GRIN2A: variants seen among roughly 807,000 people sequenced by gnomAD.
The protein encoded by GRIN2A is glutamate receptor ionotropic, NMDA 2A.
GRIN2A carries 22 observed loss-of-function variants against 113.4 expected under a neutral mutation model. The ratio of observed to expected loss-of-function variants is 0.19; its 90% CI spans 0.14 to 0.28. The LOEUF (loss-of-function observed/expected upper bound fraction) is 0.28, where lower values mean the gene tolerates loss of function less well. GRIN2A is among the 10% of genes least tolerant of loss of function. The pLI, the probability that GRIN2A is intolerant of heterozygous loss-of-function variation, is 1.00. For missense variants in GRIN2A, 1,502 were observed against 1,887.0 expected (o/e 0.80, Z 3.78); for synonymous variants, 827 against 738.4 (o/e 1.12, Z -1.94).
intron 2 of GRIN2A, among the ~76,000 whole-genome samples, chr16:10,165,342 G>A (rs904649588): frequency 4.6e-5 from 7 of 151,650 alleles, no homozygotes; most frequent in African/African-American, 1.5e-4. Context: ...AAACCAAAAT[G>A]TTAATAGCAG....
intron 2 of GRIN2A, among the ~76,000 whole-genome samples, chr16:10,066,717 C>T (rs1474631232): frequency 6.6e-6 from 1 of 152,146 alleles, no homozygotes; most frequent in East Asian, 1.9e-4. Context: ...GAGGGTTAAC[C>T]TCCCAGGAGA....
At chr16:9,855,374 C>T (rs960958433) in intron 4 of GRIN2A, among the ~76,000 whole-genome samples, 2 of 152,222 alleles carry the variant, frequency 1.3e-5, no homozygotes, top group African/African-American at 4.8e-5. Context: ...GAAAGGTCTC[C>T]ATACGTGGAA....
chr16:9,996,688 A>G (rs1430423980), intron 2 of GRIN2A, among the ~76,000 whole-genome samples: 1 of 152,126 alleles, frequency 6.6e-6, no homozygotes, highest in Non-Finnish European at 1.5e-5. Flanking sequence ...GTCTTTCCCA[A>G]TACACCATAA....
intron 2 of GRIN2A, among the ~76,000 whole-genome samples, chr16:10,117,773 G>A (rs2048756435): frequency 6.6e-6 from 1 of 152,180 alleles, no homozygotes; most frequent in Admixed American, 6.5e-5. Flanking sequence ...CAGAAGAATG[G>A]AAATGAGTGT....
chr16:10,097,788 C>T (rs946032794), intron 2 of GRIN2A, among the ~76,000 whole-genome samples: 1 of 152,158 alleles, frequency 6.6e-6, no homozygotes, highest in African/African-American at 2.4e-5. Context: ...AAGCAAAAAT[C>T]AACTCAAGGT....
chr16:10,038,401 C>T (rs1023096106), intron 2 of GRIN2A, among the ~76,000 whole-genome samples: 10 of 152,110 alleles, frequency 6.6e-5, no homozygotes, highest in Non-Finnish European at 4.4e-5. Context: ...TTCTTAACCC[C>T]AGCACTGCGA....
chr16:9,851,847 A>G (rs55861434), intron 4 of GRIN2A, among the ~76,000 whole-genome samples: 4,629 of 152,302 alleles, frequency 0.03, 69 homozygotes, highest in East Asian at 0.055. Flanking sequence ...ATGAGCCAAA[A>G]AGTACCAAAA....
intron 8 of GRIN2A, among the ~76,000 whole-genome samples, chr16:9,831,290 G>A (rs2042487812): frequency 6.6e-6 from 1 of 152,106 alleles, no homozygotes; most frequent in African/African-American, 2.4e-5. Context: ...CTTCCAAAAT[G>A]TAACTCAGAT....
At chr16:9,841,436 A>G (rs1193019168) in intron 5 of GRIN2A, among the ~76,000 whole-genome samples, 2 of 152,176 alleles carry the variant, frequency 1.3e-5, no homozygotes, top group African/African-American at 4.8e-5. Flanking sequence ...AAAATTACCA[A>G]CTCTTAAATT....
At chr16:10,114,301 C>T (rs2142158187) in intron 2 of GRIN2A, among the ~76,000 whole-genome samples, 2 of 152,288 alleles carry the variant, frequency 1.3e-5, no homozygotes, top group Middle Eastern at 3.4e-3. Context: ...AGAAAAGCCC[C>T]ACAGGGGAGC....
chr16:9,979,785 C>CTATATATATATATATATATA lies in GRIN2A; in HGVS notation c.415-41254_415-41235dup, dbSNP rs71157796. ...TATATACATATAAGGGACTATGGGA[C>CTATATATATATATATATATA]TATATATATATATATATATATATAT... On this transcript the variant is annotated intron_variant, in intron 2 of 12. Transcript: ENST00000330684. 9.0e-3 allele frequency among the ~76,000 whole-genome samples: 1,099 copies of CTATATATATATATATATATA among 121,930 alleles called. 14 individuals carry two copies. The highest frequency in any genetic ancestry group is 0.02 in the East Asian group (67 of 3,330). 80.0% of individuals were successfully genotyped at this position (121,930 alleles called of 152,430 possible). A position where few individuals can be genotyped will look rare whatever the true frequency, so the allele number is the denominator to read the frequency against.
At chr16:9,929,889 CA>C (rs1158219114) in intron 3 of GRIN2A, among the ~76,000 whole-genome samples, 3 of 152,122 alleles carry the variant, frequency 2.0e-5, no homozygotes, top group African/African-American at 7.2e-5. Context: ...CAAAACAACC[CA>C]AACCACCTTT....
chr16:10,039,108 G>C (rs1252890273), intron 2 of GRIN2A, among the ~76,000 whole-genome samples: 1 of 152,084 alleles, frequency 6.6e-6, no homozygotes, highest in Non-Finnish European at 1.5e-5. Context: ...TGCCCGCCCG[G>C]CAGGGAGCAG....
intron 11 of GRIN2A, among the ~76,000 whole-genome samples, chr16:9,772,412 C>A (rs964382434): frequency 1.6e-4 from 25 of 152,188 alleles, no homozygotes; most frequent in Admixed American, 1.6e-3. Context: ...ACTACAGTCG[C>A]CCAGGCTGGA....
rs369821921 is a variant in GRIN2A at position 10,036,449 on chromosome 16, C to CTTTTTTTTTTTTTTT, written c.415-97913_415-97899dup. Among the ~76,000 whole-genome samples, 49 of 46,008 alleles carry CTTTTTTTTTTTTTTT rather than the reference C, an allele frequency of 1.1e-3. 3 individuals carry two copies. Among genetic ancestry groups the CTTTTTTTTTTTTTTT allele is most frequent in the South Asian group, 1.8e-3 (2 of 1,098 alleles). The allele number at this position is 46,008 out of a possible 152,430, so 30.2% of individuals were successfully genotyped here. ...ATATTAGTACTTACTTTTTTTTTTT[C>CTTTTTTTTTTTTTTT]TTTTTTTTTTTTTTTTTTTTTTTTT... On this transcript the variant is annotated intron_variant, in intron 2 of 12. Transcript: ENST00000330684.
chr16:9,923,454 G>C (rs1478720629), intron 3 of GRIN2A, among the ~76,000 whole-genome samples: 1 of 152,014 alleles, frequency 6.6e-6, no homozygotes, highest in Non-Finnish European at 1.5e-5. Context: ...CTATCATCTT[G>C]CTATTTGTTC....
chr16:10,038,356 C>A (rs1233392452), intron 2 of GRIN2A, among the ~76,000 whole-genome samples: 1 of 152,122 alleles, frequency 6.6e-6, no homozygotes, highest in Non-Finnish European at 1.5e-5. Context: ...ACATTCAAAC[C>A]ACAGCACTTT....
chr16:10,043,571 C>T (rs2047202944), intron 2 of GRIN2A, among the ~76,000 whole-genome samples: 1 of 152,084 alleles, frequency 6.6e-6, no homozygotes, highest in Non-Finnish European at 1.5e-5. Flanking sequence ...ACAAAGATGC[C>T]ACCAACTTTC....
At chr16:10,147,803 T>C (rs1004641365) in intron 2 of GRIN2A, among the ~76,000 whole-genome samples, 6 of 152,176 alleles carry the variant, frequency 3.9e-5, no homozygotes, top group African/African-American at 1.4e-4. Flanking sequence ...TCCATTTCTC[T>C]CTGTTCCCTT....
Sources: gnomAD v4.1 joint callset for allele counts (sites outside exome capture counted in the v4.1 genomes callset) on GRCh38, gnomAD v4.1.1 for gene constraint, MANE v1.5 for transcripts, NCBI Gene and HGNC (gene_info 2026-07-23, HGNC 2026-07-21) for gene names.